The following CSTF3 variants were observed in gnomAD, a reference collection of about 807,000 sequenced individuals.
CSTF3 encodes the protein CF-1 77 kDa subunit.
A neutral mutation model predicts 105.8 loss-of-function variants in CSTF3; 29 were observed. The ratio of observed to expected loss-of-function variants is 0.27; its 90% CI spans 0.20 to 0.37. The LOEUF (loss-of-function observed/expected upper bound fraction) is 0.37. Among genes scored for constraint, CSTF3 ranks in the 10% least tolerant of loss-of-function variants. CSTF3 has a pLI of 1.00. For synonymous variants in CSTF3, 252 were observed against 281.9 expected, an observed-to-expected ratio of 0.89 and a Z score of 1.06; for missense variants, 357 against 879.3, an observed-to-expected ratio of 0.41 and a Z score of 7.51.
rs1421011292 is a variant in CSTF3, at chr11:33,099,533, T to C, written c.936+75A>G. 2.1e-6 allele frequency: 2 copies of C among 973,264 alleles called. No homozygotes were observed. The highest frequency in any genetic ancestry group is 3.1e-6 in the Non-Finnish European group (2 of 648,666). 60.3% of individuals were successfully genotyped at this position (973,264 alleles called of 1,614,324 possible). A position where few individuals can be genotyped will look rare whatever the true frequency, so the allele number is the denominator to read the frequency against. ...CTTATGCTTTATTACCAAAATTCAG[T>C]TATATTTTTCAGTAAATAATTGCTA... is the stretch of plus-strand genomic sequence containing the variant. On this transcript the variant is annotated intron_variant, in intron 11 of 20. Coordinates refer to ENST00000323959, the MANE Select transcript of CSTF3 (RefSeq NM_001326.3). This position sits in a 1 kb window ranked among gnomAD's most constrained non-coding sequence, Gnocchi z 4.1.
chr11:33,090,398 C>T, intron 17 of CSTF3, 134 bp downstream of exon 17: 1 of 531,808 alleles, frequency 1.9e-6, no homozygotes, highest in South Asian at 7.1e-5. Context: ...AATCTTTGAA[C>T]TTTTTTCTTG....
At chr11:33,100,385 C>T (rs915027255) in intron 10 of CSTF3, among the ~76,000 whole-genome samples, 15 of 149,946 alleles carry the variant, frequency 1.0e-4, no homozygotes, top group South Asian at 6.5e-4. Context: ...TGTTTAGAGA[C>T]GGGGTTTCAC....
intron 15 of CSTF3, among the ~76,000 whole-genome samples, chr11:33,093,939 C>T (rs1271456604): frequency 6.6e-6 from 1 of 152,178 alleles, no homozygotes; most frequent in Non-Finnish European, 1.5e-5. Flanking sequence ...AACCCCTCAC[C>T]TCGTGATCTG....
intron 3 of CSTF3, among the ~76,000 whole-genome samples, chr11:33,111,443 T>C (rs1310211427): frequency 6.6e-6 from 1 of 152,074 alleles, no homozygotes; most frequent in African/African-American, 2.4e-5. Flanking sequence ...AATGAAAAGA[T>C]AGTAAAATTT....
intron 3 of CSTF3, among the ~76,000 whole-genome samples, chr11:33,127,377 C>T (rs1855553913): frequency 6.6e-6 from 1 of 152,092 alleles, no homozygotes; most frequent in Non-Finnish European, 1.5e-5. Context: ...AAAATTGTAT[C>T]AGAACTCTAA....
intron 1 of CSTF3, among the ~76,000 whole-genome samples, chr11:33,145,294 G>C (rs1219572803): frequency 6.6e-6 from 1 of 151,792 alleles, no homozygotes; most frequent in African/African-American, 2.4e-5. Context: ...AGAATTAGTG[G>C]GGCATGGTGG....
At chr11:33,127,760 C>T (rs1412466363) in intron 3 of CSTF3, among the ~76,000 whole-genome samples, 1 of 152,148 alleles carries the variant, frequency 6.6e-6, no homozygotes, top group East Asian at 1.9e-4. Flanking sequence ...CAATTTTAAC[C>T]AGTCTTTGGG....
At chr11:33,111,834 T>G (rs1855382466) in intron 3 of CSTF3, among the ~76,000 whole-genome samples, 1 of 152,200 alleles carries the variant, frequency 6.6e-6, no homozygotes, top group African/African-American at 2.4e-5. Context: ...GGCCACTGAT[T>G]GTCATTCATT....
chr11:33,110,639 A>T (rs1049005483), intron 3 of CSTF3, among the ~76,000 whole-genome samples: 1 of 152,268 alleles, frequency 6.6e-6, no homozygotes, highest in African/African-American at 2.4e-5. Flanking sequence ...TAGAATATTA[A>T]TAGTTAATTC....
intron 3 of CSTF3, among the ~76,000 whole-genome samples, chr11:33,129,139 T>A (rs1855573163): frequency 1.3e-5 from 2 of 152,236 alleles, no homozygotes; most frequent in African/African-American, 4.8e-5. Flanking sequence ...TTGCCCAGGC[T>A]GCAGTGCAGT....
At chr11:33,146,945 C>T (rs534722020) in intron 1 of CSTF3, among the ~76,000 whole-genome samples, 2 of 151,976 alleles carry the variant, frequency 1.3e-5, no homozygotes, top group South Asian at 2.1e-4. Flanking sequence ...GCATGAGGAC[C>T]GCTTGAGGCC....
At chr11:33,131,545 T>C (rs1019337254) in intron 3 of CSTF3, among the ~76,000 whole-genome samples, 6 of 152,146 alleles carry the variant, frequency 3.9e-5, no homozygotes, top group Non-Finnish European at 4.4e-5. Flanking sequence ...ATGAACTGAA[T>C]ATTAAATTAG....
chr11:33,092,418 T>C, intron 15 of CSTF3, 78 bp from the exon 16 acceptor site: 1 of 876,210 alleles, frequency 1.1e-6, no homozygotes, highest in Non-Finnish European at 1.7e-6. Context: ...ATTATCTCAC[T>C]TCATCCTTAC....
chr11:33,085,704 G>GTTAC lies in CSTF3; in HGVS notation c.1951+5_1951+8dup, dbSNP rs1565000060. The GTTAC allele has an allele frequency of 2.5e-6, 4 of 1,602,274 alleles. No individual in the cohort carries two copies. Among genetic ancestry groups the GTTAC allele is most frequent in the African/African-American group, 1.3e-5 (1 of 74,624 alleles). ...AATGACACTCTGAAATGGAGCTTCTGTTACTTACTATTTGGTATCTTGCAT... is the reference window on the plus strand; with the variant it reads ...AATGACACTCTGAAATGGAGCTTCTGTTACTTACTTACTATTTGGTATCTTGCAT... On this transcript the variant is annotated intron_variant, in intron 20 of 20. Coordinates refer to ENST00000323959, the MANE Select transcript of CSTF3 (RefSeq NM_001326.3).
chr11:33,086,442 C>CTT (rs11422800), intron 18 of CSTF3, among the ~76,000 whole-genome samples: 32,369 of 148,576 alleles, frequency 0.22, 4,111 homozygotes, highest in East Asian at 0.33. Flanking sequence ...AGCAGCATTC[C>CTT]TTTTTTTTTT....
intron 3 of CSTF3, among the ~76,000 whole-genome samples, chr11:33,135,408 C>A (rs2474871): frequency 0.029 from 4,488 of 152,236 alleles, 100 homozygotes; most frequent in Middle Eastern, 0.061. Flanking sequence ...TACTGCCCTG[C>A]AAAGCCTCAA....
chr11:33,156,955 A>G lies in CSTF3; in HGVS notation c.27+4344T>C, dbSNP rs192767771. Among the ~76,000 whole-genome samples, 11 of 152,314 alleles carry G rather than the reference A, an allele frequency of 7.2e-5. No homozygotes were observed. In the East Asian group the frequency reaches 9.6e-4, roughly 13 times the overall value. On this transcript the variant is annotated intron_variant, in intron 1 of 20. Coordinates refer to ENST00000323959, the MANE Select transcript of CSTF3 (RefSeq NM_001326.3). The stretch of plus-strand genomic sequence containing the variant: ...TTCAACTAAAGAAGTTCAAAACCCA[A>G]TGGAAAATGTCTAAATAACAGCATA...
In CSTF3 at chr11:33,135,678, T is replaced by C. The variant is rs147185754; in HGVS notation, c.225+5989A>G. 3.1e-4 allele frequency among the ~76,000 whole-genome samples: 47 copies of C among 152,242 alleles called. No individual in the cohort carries two copies. In the East Asian group the frequency reaches 8.7e-3, roughly 28 times the overall value. ...CTTAAAACATTATGTCCACTTCAACTATATGTAAAATGTACAGTAGTCATA... is the reference window on the plus strand; with the variant it reads ...CTTAAAACATTATGTCCACTTCAACCATATGTAAAATGTACAGTAGTCATA... On this transcript the variant is annotated intron_variant, in intron 3 of 20. Coordinates refer to ENST00000323959, the MANE Select transcript of CSTF3 (RefSeq NM_001326.3).
Position 33,085,702 on chromosome 11 carries a change from C to T in CSTF3, c.1951+11G>A. On this transcript the variant is annotated intron_variant, in intron 20 of 20. Coordinates refer to ENST00000323959, the MANE Select transcript of CSTF3 (RefSeq NM_001326.3). ...GGAATGACACTCTGAAATGGAGCTT[C>T]TGTTACTTACTATTTGGTATCTTGC... 1 of 1,601,414 alleles carries T rather than the reference C, an allele frequency of 6.2e-7. No homozygotes were observed. The highest frequency in any genetic ancestry group is 8.6e-7 in the Non-Finnish European group (1 of 1,169,278).
Sources: gnomAD v4.1 joint callset for allele counts (sites outside exome capture counted in the v4.1 genomes callset) on GRCh38, gnomAD v4.1.1 for gene constraint, Gnocchi (gnomAD v3.1) non-coding constraint, MANE v1.5 for transcripts, NCBI Gene and HGNC (gene_info 2026-07-23, HGNC 2026-07-21) for gene names.